Variants in STK3 observed in about 807,000 individuals in gnomAD.
The protein encoded by STK3 is serine/threonine-protein kinase 3.
A neutral mutation model predicts 58.0 loss-of-function variants in STK3; 41 were observed. That is an observed-to-expected ratio of 0.71 (90% CI 0.55 to 0.92). The LOEUF is 0.92. STK3 is among the 40% of genes least tolerant of loss of function. The pLI is 0.00. For missense variants in STK3, 479 were observed against 602.7 expected, an observed-to-expected ratio of 0.79 and a Z score of 2.15; for synonymous variants, 170 against 191.0, an observed-to-expected ratio of 0.89 and a Z score of 0.91.
chr8:98,630,042 G>A (rs999200021), intron 6 of STK3, among the ~76,000 whole-genome samples: 2 of 151,974 alleles, frequency 1.3e-5, no homozygotes, highest in African/African-American at 2.4e-5. Context: ...ACCCTGCCTC[G>A]CCTGTTCCTT....
chr8:98,589,275 T>C (rs1423072056), intron 7 of STK3, among the ~76,000 whole-genome samples: 2 of 152,230 alleles, frequency 1.3e-5, no homozygotes, highest in South Asian at 2.1e-4. Context: ...GATGGGTTTT[T>C]GGTGTGGATG....
chr8:98,344,695 C>T, the STK3 span, among the ~76,000 whole-genome samples: 9 of 151,648 alleles, frequency 5.9e-5, no homozygotes, highest in African/African-American at 2.2e-4. Context: ...AGATCGAGAC[C>T]ATCCCGGCTA....
chr8:98,801,837 G>A (rs1245552842), intron 1 of STK3, among the ~76,000 whole-genome samples: 4 of 151,880 alleles, frequency 2.6e-5, no homozygotes, highest in Non-Finnish European at 1.5e-5. Context: ...CTTCAAAACA[G>A]TAAGCTTGTT....
At chr8:98,636,717 C>T (rs558817701) in intron 6 of STK3, among the ~76,000 whole-genome samples, 1 of 152,062 alleles carries the variant, frequency 6.6e-6, no homozygotes, top group East Asian at 1.9e-4. Flanking sequence ...TTCAAAATGA[C>T]GCTTTCAAAA....
intron 8 of STK3, among the ~76,000 whole-genome samples, chr8:98,549,813 A>T (rs942126863): frequency 2.0e-5 from 3 of 152,212 alleles, no homozygotes; most frequent in African/African-American, 7.2e-5. Context: ...GTTTGAGACC[A>T]GCCTAGGCAA....
intron 7 of STK3, among the ~76,000 whole-genome samples, chr8:98,593,102 T>G (rs1586959498): frequency 6.6e-6 from 1 of 152,150 alleles, no homozygotes; most frequent in Non-Finnish European, 1.5e-5. Context: ...CACCAGCAGG[T>G]ATAAGGATCA....
At chr8:98,503,658 T>C (rs1398626617) in intron 10 of STK3, among the ~76,000 whole-genome samples, 1 of 152,246 alleles carries the variant, frequency 6.6e-6, no homozygotes, top group Non-Finnish European at 1.5e-5. Flanking sequence ...TTTCGTTATG[T>C]ACCCAGTACT....
intron 6 of STK3, among the ~76,000 whole-genome samples, chr8:98,619,421 C>G (rs1211782330): frequency 6.7e-6 from 1 of 149,356 alleles, no homozygotes; most frequent in East Asian, 1.9e-4. Context: ...ACTTCATGTC[C>G]AAAACACCAA....
At chr8:98,814,267 T>C (rs1587688942) in intron 1 of STK3, among the ~76,000 whole-genome samples, 1 of 152,000 alleles carries the variant, frequency 6.6e-6, no homozygotes, top group East Asian at 1.9e-4. Context: ...GTCAGGCTGG[T>C]CTCGAACTCC....
chr8:98,677,993 T>C (rs1419513972), intron 6 of STK3, among the ~76,000 whole-genome samples: 2 of 152,186 alleles, frequency 1.3e-5, no homozygotes, highest in African/African-American at 4.8e-5. Flanking sequence ...AAACCACATT[T>C]GTATTTTTTG....
chr8:98,619,261 T>C (rs1261694642), intron 6 of STK3, among the ~76,000 whole-genome samples: 1 of 150,658 alleles, frequency 6.6e-6, no homozygotes, highest in Non-Finnish European at 1.5e-5. Context: ...TGGCTAGCCA[T>C]ATGTAGAAAG....
intron 1 of STK3, among the ~76,000 whole-genome samples, chr8:98,942,043 C>G (rs1273370645): frequency 1.3e-5 from 2 of 152,222 alleles, no homozygotes; most frequent in African/African-American, 4.8e-5. Flanking sequence ...CCGTGGGCCG[C>G]GTGGCCTTTC....
chr8:98,625,219 T>C (rs1271340676), intron 6 of STK3, among the ~76,000 whole-genome samples: 2 of 152,212 alleles, frequency 1.3e-5, no homozygotes, highest in Non-Finnish European at 2.9e-5. Flanking sequence ...TACTGCTATT[T>C]GAGGATTACT....
At chr8:98,736,825 C>T (rs1828634426) in intron 4 of STK3, among the ~76,000 whole-genome samples, 2 of 152,058 alleles carry the variant, frequency 1.3e-5, no homozygotes, top group Admixed American at 6.5e-5. Context: ...AAATGAAGCT[C>T]ACTATATATA....
At chr8:98,372,545 T>C (rs74966276) in intron 2 of STK3, among the ~76,000 whole-genome samples, 1 of 151,780 alleles carries the variant, frequency 6.6e-6, no homozygotes, top group Non-Finnish European at 1.5e-5. Context: ...TTTTTTGTTT[T>C]TTTTTTTCCC....
At chr8:98,423,962 C>T (rs535750561) in intron 3 of STK3, among the ~76,000 whole-genome samples, 2 of 152,304 alleles carry the variant, frequency 1.3e-5, no homozygotes, top group South Asian at 4.1e-4. Context: ...TCCCAGCAGG[C>T]CAGCCAGGCC....
At chr8:98,931,779 A>G (rs565465046) in intron 1 of STK3, among the ~76,000 whole-genome samples, 2 of 152,322 alleles carry the variant, frequency 1.3e-5, no homozygotes, top group East Asian at 3.9e-4. Flanking sequence ...TTTCCTGGAT[A>G]TGTCAGTGCA....
chr8:98,832,555 A>C (rs1483038236), intron 3 of STK3, among the ~76,000 whole-genome samples: 7 of 152,178 alleles, frequency 4.6e-5, no homozygotes, highest in Admixed American at 3.9e-4. Flanking sequence ...AGTCTTTCAA[A>C]AGGAATAGTT....
chr8:98,376,618 C>G (rs1367273323), intron 2 of STK3, among the ~76,000 whole-genome samples: 1 of 152,166 alleles, frequency 6.6e-6, no homozygotes, highest in African/African-American at 2.4e-5. Context: ...GGAGATTCAG[C>G]TTTTGCATAT....
Sources: gnomAD v4.1 joint callset for allele counts (sites outside exome capture counted in the v4.1 genomes callset) on GRCh38, gnomAD v4.1.1 for gene constraint, MANE v1.5 for transcripts, NCBI Gene and HGNC (gene_info 2026-07-23, HGNC 2026-07-21) for gene names.